Variants in MYH16 observed in about 807,000 individuals in gnomAD.
MYH16 encodes myosin heavy chain 16.
At chr7:99,283,598 A>G (rs1210027525) in exon 24 of MYH16, 1 of 456,464 alleles carries the variant, frequency 2.2e-6, no homozygotes, top group East Asian at 6.9e-5. Context: ...TGAGGAGGAC[A>G]AGGTGAACCA....
intron 37 of MYH16, among the ~76,000 whole-genome samples, 188 bp downstream of exon 18, chr7:99,299,846 G>A (rs1000537753): frequency 5.3e-5 from 8 of 152,070 alleles, no homozygotes; most frequent in Admixed American, 4.6e-4. Flanking sequence ...CTCAACCACC[G>A]AAAGTCCAGA....
chr7:99,297,485 C>T (rs1792518391), intron 34 of MYH16, among the ~76,000 whole-genome samples, 175 bp from the exon 16 acceptor site: 1 of 151,324 alleles, frequency 6.6e-6, no homozygotes, highest in Non-Finnish European at 1.5e-5. Flanking sequence ...ATAATTCTAC[C>T]CTCCTTATAA....
chr7:99,294,073 G>A (rs1399431468), exon 33 of MYH16: 2 of 456,006 alleles, frequency 4.4e-6, no homozygotes, highest in African/African-American at 4.0e-5. Flanking sequence ...AACTGCCCAG[G>A]CCCGGGCCGC....
At chr7:99,285,399 G>A (rs909946009) in exon 27 of MYH16, 2 of 456,626 alleles carry the variant, frequency 4.4e-6, no homozygotes, top group African/African-American at 4.0e-5. Flanking sequence ...TTGAAGAGCT[G>A]GAAGAAGAAC....
intron 1 of MYH16, among the ~76,000 whole-genome samples, chr7:99,241,061 T>C (rs998330663): frequency 6.6e-6 from 1 of 151,960 alleles, no homozygotes; most frequent in African/African-American, 2.4e-5. Context: ...AGCCCCAGGG[T>C]GCATCTAAGT....
At chr7:99,263,442 AAAG>A (rs1207086294) in exon 14 of MYH16, 1 of 152,872 alleles carries the variant, frequency 6.5e-6, no homozygotes, top group African/African-American at 2.4e-5. Flanking sequence ...CCTTCTCTTC[AAAG>A]AAGAGGAGGC....
At chr7:99,288,099 G>A (rs114121577) in exon 29 of MYH16, 7 of 456,606 alleles carry the variant, frequency 1.5e-5, no homozygotes, top group Admixed American at 1.2e-4. Context: ...TGAGATTGAT[G>A]ACCTCAATGC....
rs77698426 is a variant in MYH16, at chr7:99,285,102, T to C, written n.3316+167T>C. On this transcript the variant is annotated intron_variant and non_coding_transcript_variant, in intron 26 of 41. Coordinates refer to ENST00000439784, the Ensembl canonical transcript of MYH16. The stretch of plus-strand genomic sequence containing the variant: ...CTCACTAGGGGTGAAATCCGTACAA[T>C]GGTTATGAGGCCCTCCAACTGCTCC... Among the ~76,000 whole-genome samples, 4 of 152,286 alleles carry C rather than the reference T, an allele frequency of 2.6e-5. No individual in the cohort carries two copies. The East Asian group carries it at 7.7e-4, about 29-fold the overall frequency.
intron 26 of MYH16, 86 bp downstream of exon 8, chr7:99,285,021 A>G (rs1468408765): frequency 2.2e-6 from 1 of 447,840 alleles, no homozygotes; most frequent in Non-Finnish European, 4.5e-6. Flanking sequence ...TTGGTGGCTG[A>G]GGTTTCCTGA....
chr7:99,287,351 G>A (rs1792293657), intron 28 of MYH16, among the ~76,000 whole-genome samples: 1 of 151,826 alleles, frequency 6.6e-6, no homozygotes, highest in Non-Finnish European at 1.5e-5. Context: ...TGGTAAACAT[G>A]GTGAAACCCC....
At chr7:99,295,003 C>A (rs1425482143) in intron 33 of MYH16, among the ~76,000 whole-genome samples, 1 of 152,150 alleles carries the variant, frequency 6.6e-6, no homozygotes. Flanking sequence ...TGCACCACTG[C>A]ACTCCAGCCT....
chr7:99,295,546 C>A lies in MYH16; in HGVS notation n.4283-1155C>A, dbSNP rs1562785916. 2.0e-5 allele frequency among the ~76,000 whole-genome samples: 3 copies of A among 152,274 alleles called. No individual in the cohort carries two copies. In the East Asian group the frequency reaches 5.8e-4, roughly 29 times the overall value. ...TAAATAGGATTTCCACTGGCATACA[C>A]CTCTCTGGTCTTGGTCTAGATGGAA... On this transcript the variant is annotated intron_variant and non_coding_transcript_variant, in intron 33 of 41. Coordinates refer to ENST00000439784, the Ensembl canonical transcript of MYH16.
intron 36 of MYH16, among the ~76,000 whole-genome samples, chr7:99,298,767 CTT>C (rs112315311): frequency 7.0e-6 from 1 of 143,708 alleles, no homozygotes. Flanking sequence ...TGTCTTGTCG[CTT>C]TTTTTTTTTA....
rs1792205217 is a variant in MYH16 at position 99,282,014 on chromosome 7, T to C, written n.2992+1034T>C. On this transcript the variant is annotated intron_variant and non_coding_transcript_variant, in intron 23 of 41. Coordinates refer to ENST00000439784, the Ensembl canonical transcript of MYH16. Reference sequence around the variant, plus strand: ...AACAAACACAGTGGATGTGTGTTATTCACACTGGTTATATTTTTGTTGTTT... The same window carrying C: ...AACAAACACAGTGGATGTGTGTTATCCACACTGGTTATATTTTTGTTGTTT... 2.0e-5 allele frequency among the ~76,000 whole-genome samples: 3 copies of C among 152,294 alleles called. No homozygotes were observed. In the South Asian group the frequency reaches 6.2e-4, roughly 32 times the overall value.
chr7:99,280,681 G>A (rs1792189195), intron 22 of MYH16, among the ~76,000 whole-genome samples, 195 bp from the exon 5 acceptor site: 2 of 152,142 alleles, frequency 1.3e-5, no homozygotes, highest in African/African-American at 2.4e-5. Context: ...TGCCACTGCC[G>A]ACATCCGGGG....
chr7:99,267,440 G>A (rs1455951274), intron 18 of MYH16, among the ~76,000 whole-genome samples: 1 of 152,132 alleles, frequency 6.6e-6, no homozygotes, highest in Non-Finnish European at 1.5e-5. Flanking sequence ...CTGTTGCCCA[G>A]GCTAGTCTCA....
chr7:99,260,457 T>C (rs976147376), intron 12 of MYH16: 10 of 500,166 alleles, frequency 2.0e-5, no homozygotes, highest in Non-Finnish European at 3.7e-5. Flanking sequence ...CCTTCCTTGG[T>C]ATGACCTCTA....
downstream of MYH16, among the ~76,000 whole-genome samples, chr7:99,307,543 T>C (rs1792699136): frequency 6.6e-6 from 1 of 151,900 alleles, no homozygotes; most frequent in African/African-American, 2.4e-5. Flanking sequence ...GGCAACACAG[T>C]GAAACCCTGT....
chr7:99,284,480 T>G (rs570004256), intron 25 of MYH16, among the ~76,000 whole-genome samples: 1 of 152,148 alleles, frequency 6.6e-6, no homozygotes, highest in South Asian at 2.1e-4. Flanking sequence ...CCCCAGCTAC[T>G]AGAGAGGCTG....
Sources: gnomAD v4.1 joint callset for allele counts (sites outside exome capture counted in the v4.1 genomes callset) on GRCh38, gnomAD v4.1.1 for gene constraint, MANE v1.5 for transcripts, NCBI Gene and HGNC (gene_info 2026-07-23, HGNC 2026-07-21) for gene names.